Variants in CCDC7 observed in about 807,000 individuals in gnomAD.
CCDC7 encodes the protein coiled-coil domain containing 7.
In CCDC7, 183 loss-of-function variants were observed where a neutral mutation model predicts 196.9. The observed-to-expected ratio is 0.93, with a 90% CI of 0.82 to 1.05. CCDC7 has a LOEUF of 1.05. CCDC7 is among the 50% of genes least tolerant of loss of function. The pLI is 0.00. For synonymous variants in CCDC7, 525 were observed against 484.6 expected, an observed-to-expected ratio of 1.08 and a Z score of -1.10; for missense variants, 1,540 against 1,482.2, an observed-to-expected ratio of 1.04 and a Z score of -0.64.
At chr10:32,492,914 T>C (rs2042362138) in intron 9 of CCDC7, among the ~76,000 whole-genome samples, 1 of 152,164 alleles carries the variant, frequency 6.6e-6, no homozygotes, top group South Asian at 2.1e-4. Flanking sequence ...TTTTCACCTG[T>C]AAACTCATTT....
intron 22 of CCDC7, among the ~76,000 whole-genome samples, chr10:32,687,986 A>G (rs1245052605): frequency 1.3e-5 from 2 of 152,188 alleles, no homozygotes; most frequent in East Asian, 1.9e-4. Context: ...TTGCAGTGTC[A>G]GGGAACTCAT....
intron 21 of CCDC7, among the ~76,000 whole-genome samples, chr10:32,670,425 T>C (rs2073824463): frequency 6.6e-6 from 1 of 151,970 alleles, no homozygotes; most frequent in African/African-American, 2.4e-5. Flanking sequence ...AGTTTTAGGG[T>C]ACATGTGCAC....
rs1217515774 is a variant in CCDC7 at position 32,634,383 on chromosome 10, C to T, written c.1912+19C>T. 6.3e-6 allele frequency: 6 copies of T among 958,642 alleles called. No individual in the cohort carries two copies. The highest frequency in any genetic ancestry group is 8.6e-5 in the Admixed American group (2 of 23,238). The allele number at this position is 958,642 out of a possible 1,614,324, so 59.4% of individuals were successfully genotyped here. A position where few individuals can be genotyped will look rare whatever the true frequency, so the allele number is the denominator to read the frequency against. On this transcript the variant is annotated intron_variant, in intron 19 of 41. Coordinates refer to ENST00000639629, the Ensembl canonical transcript of CCDC7. ...CATGAGGGTAAGTATAATAATTATA[C>T]ATATCTTTACACTATTTTATTTTTA... is the stretch of plus-strand genomic sequence containing the variant.
chr10:32,634,735 C>A (rs1227554382), intron 19 of CCDC7, among the ~76,000 whole-genome samples: 1 of 152,102 alleles, frequency 6.6e-6, no homozygotes, highest in Non-Finnish European at 1.5e-5. Flanking sequence ...GGTCTTTTTT[C>A]TTTGCATCAT....
intron 21 of CCDC7, among the ~76,000 whole-genome samples, chr10:32,669,847 C>T (rs959947550): frequency 6.6e-6 from 1 of 152,020 alleles, no homozygotes; most frequent in South Asian, 2.1e-4. Context: ...ATTAACTCAT[C>T]ATTTTAAATA....
chr10:32,594,623 T>C (rs139918707), intron 18 of CCDC7, among the ~76,000 whole-genome samples: 120 of 152,230 alleles, frequency 7.9e-4, no homozygotes, highest in African/African-American at 2.8e-3. Flanking sequence ...TCCCTGTTTT[T>C]TGCCAGTTTT....
intron 29 of CCDC7, among the ~76,000 whole-genome samples, chr10:32,785,748 G>A (rs920579273): frequency 6.6e-6 from 1 of 152,128 alleles, no homozygotes; most frequent in Non-Finnish European, 1.5e-5. Flanking sequence ...AGGAAAGGTG[G>A]CATTTGTAGT....
intron 25 of CCDC7, among the ~76,000 whole-genome samples, chr10:32,725,911 T>C (rs2083054753): frequency 6.6e-6 from 1 of 152,122 alleles, no homozygotes; most frequent in Non-Finnish European, 1.5e-5. Flanking sequence ...GTCCAAACCA[T>C]ATCAAATATG....
chr10:32,736,375 G>T (rs944774721), intron 28 of CCDC7, among the ~76,000 whole-genome samples: 2 of 151,800 alleles, frequency 1.3e-5, no homozygotes, highest in South Asian at 4.2e-4. Context: ...TTTTTTTGTG[G>T]TTAATATTTT....
chr10:32,453,467 T>G, intron 2 of CCDC7, 31 bp downstream of exon 3: 2 of 1,372,098 alleles, frequency 1.5e-6, no homozygotes, highest in Non-Finnish European at 1.9e-6. Flanking sequence ...TATAGAGACA[T>G]TAACACTGAA....
intron 21 of CCDC7, among the ~76,000 whole-genome samples, chr10:32,669,857 AT>A (rs2073700999): frequency 6.6e-6 from 1 of 152,154 alleles, no homozygotes; most frequent in Non-Finnish European, 1.5e-5. Flanking sequence ...CATTTTAAAT[AT>A]TTAACTTTCA....
chr10:32,722,360 C>T (rs1259047287), intron 25 of CCDC7, among the ~76,000 whole-genome samples: 2 of 152,094 alleles, frequency 1.3e-5, no homozygotes, highest in East Asian at 1.9e-4. Flanking sequence ...GTTACAGCAG[C>T]GATCTACTTC....
intron 21 of CCDC7, among the ~76,000 whole-genome samples, chr10:32,684,944 G>C (rs1038302072): frequency 9.4e-6 from 1 of 106,626 alleles, no homozygotes; most frequent in Non-Finnish European, 1.8e-5. Context: ...CTTATCCTTT[G>C]TGATTTAATT....
At chr10:32,809,516 C>T (rs1215359591) in intron 30 of CCDC7, among the ~76,000 whole-genome samples, 1 of 152,040 alleles carries the variant, frequency 6.6e-6, no homozygotes, top group Non-Finnish European at 1.5e-5. Context: ...ACAAAGAACT[C>T]AAACAAATTT....
intron 28 of CCDC7, among the ~76,000 whole-genome samples, chr10:32,772,155 G>T (rs1466531356): frequency 6.6e-6 from 1 of 152,216 alleles, no homozygotes; most frequent in Non-Finnish European, 1.5e-5. Context: ...AGCAACCCCT[G>T]TGGGTGTTGG....
At chr10:32,544,119 T>A in intron 12 of CCDC7, 128 bp from the exon 14 acceptor site, 1 of 719,934 alleles carries the variant, frequency 1.4e-6, no homozygotes, top group Non-Finnish European at 2.2e-6. Flanking sequence ...TTTATGTCTC[T>A]TAGAAATATG....
intron 10 of CCDC7, 99 bp from the exon 12 acceptor site, chr10:32,518,317 G>A: frequency 7.9e-7 from 1 of 1,257,984 alleles, no homozygotes. Flanking sequence ...CTTTTCATGA[G>A]TTAATGAAGA....
chr10:32,700,292 C>A (rs1184224934), intron 24 of CCDC7, among the ~76,000 whole-genome samples: 3 of 149,486 alleles, frequency 2.0e-5, no homozygotes, highest in African/African-American at 7.7e-5. Context: ...GTTTTCCTAG[C>A]ACCATTTATT....
intron 12 of CCDC7, among the ~76,000 whole-genome samples, 173 bp downstream of exon 13, chr10:32,543,558 A>T (rs2051879293): frequency 6.6e-6 from 1 of 152,114 alleles, no homozygotes; most frequent in Admixed American, 6.5e-5. Flanking sequence ...GGATAAAGCT[A>T]AAAAGGGAAG....
Sources: allele counts gnomAD v4.1 joint callset (sites outside exome capture counted in the v4.1 genomes callset), GRCh38; gene constraint gnomAD v4.1.1; transcripts MANE v1.5; gene names NCBI Gene and HGNC (gene_info 2026-07-23, HGNC 2026-07-21).